Variants in DNAAF11 observed in about 807,000 individuals in gnomAD.
DNAAF11 encodes dynein axonemal assembly factor 11.
Under a neutral mutation model 60.8 loss-of-function variants are expected in DNAAF11, and 45 were observed. That is an observed-to-expected ratio of 0.74 (90% CI 0.58 to 0.95). The LOEUF is 0.95. DNAAF11 is among the 40% of genes least tolerant of loss of function. The pLI is 0.00. For synonymous variants in DNAAF11, 191 were observed against 183.5 expected (o/e 1.04, Z -0.33); for missense variants, 546 against 546.2 (o/e 1.00, Z 0.00).
At chr8:132,640,715 T>C (rs1001558535) in intron 3 of DNAAF11, among the ~76,000 whole-genome samples, 1 of 152,150 alleles carries the variant, frequency 6.6e-6, no homozygotes, top group Non-Finnish European at 1.5e-5. Context: ...CTATTATCCA[T>C]ACCCCAGGTT....
chr8:132,678,916 C>G (rs1192833956), upstream of DNAAF11, among the ~76,000 whole-genome samples: 4 of 152,138 alleles, frequency 2.6e-5, no homozygotes, highest in African/African-American at 9.6e-5. Context: ...CTGTGGGACT[C>G]AAGTATTCTG....
At chr8:132,602,088 T>C (rs1817687220) in intron 10 of DNAAF11, among the ~76,000 whole-genome samples, 2 of 152,132 alleles carry the variant, frequency 1.3e-5, no homozygotes. Flanking sequence ...CTTTCCAGTG[T>C]AGCAGTGCTC....
intron 10 of DNAAF11, among the ~76,000 whole-genome samples, chr8:132,595,314 T>C (rs2738437): frequency 1 from 117,171 of 117,172 alleles, 58,585 homozygotes; most frequent in Middle Eastern, 1. Flanking sequence ...TTTTTGGAAT[T>C]TTTTGTGTTC....
At position 132,664,618 on chromosome 8, in the gene DNAAF11, C is replaced by T. The variant is rs555395355; in HGVS notation, c.11-2991G>A. On this transcript the variant is annotated intron_variant, in intron 1 of 11. Coordinates refer to ENST00000620350, the MANE Select transcript of DNAAF11 (RefSeq NM_012472.6). ...CTGGAACTACAGGCATGCGCCACCACACCCAGCTAATTTTTTTTTTTTTTT... is the reference window on the plus strand; with the variant it reads ...CTGGAACTACAGGCATGCGCCACCATACCCAGCTAATTTTTTTTTTTTTTT... Among the ~76,000 whole-genome samples the T allele has an allele frequency of 2.6e-5, 4 of 151,736 alleles. No homozygotes were observed. The South Asian group carries it at 8.3e-4, about 32-fold the overall frequency.
chr8:132,610,875 G>A (rs1045518526), intron 9 of DNAAF11, among the ~76,000 whole-genome samples: 4 of 150,514 alleles, frequency 2.7e-5, no homozygotes, highest in African/African-American at 1.0e-4. Context: ...TCTATGTTTT[G>A]TTTTATTTTT....
chr8:132,688,880 T>G, the DNAAF11 span, among the ~76,000 whole-genome samples: 1 of 152,206 alleles, frequency 6.6e-6, no homozygotes, highest in Non-Finnish European at 1.5e-5. Flanking sequence ...TCAGAATCAC[T>G]TACGTTAAAA....
the DNAAF11 span, among the ~76,000 whole-genome samples, chr8:132,690,050 G>T: frequency 6.6e-6 from 1 of 152,078 alleles, no homozygotes; most frequent in Non-Finnish European, 1.5e-5. Context: ...GCATTAGTTT[G>T]AGTTATGTTA....
At chr8:132,696,663 G>A in the DNAAF11 span, among the ~76,000 whole-genome samples, 1 of 152,102 alleles carries the variant, frequency 6.6e-6, no homozygotes, top group South Asian at 2.1e-4. Context: ...GACAAGATTG[G>A]GTAAAGAAAA....
chr8:132,643,193 AC>A (rs1323525396), intron 3 of DNAAF11, among the ~76,000 whole-genome samples: 3 of 152,158 alleles, frequency 2.0e-5, no homozygotes, highest in Non-Finnish European at 2.9e-5. Flanking sequence ...TCGGTTCTCT[AC>A]CCAGGGTTTG....
At chr8:132,675,595 G>A, upstream of DNAAF11, 1 of 1,281,058 alleles carries the variant, frequency 7.8e-7, no homozygotes, top group Non-Finnish European at 1.1e-6. Flanking sequence ...TCGGAATTCA[G>A]GAGCCATGGC....
At chr8:132,647,936 AG>A (rs1474908931) in intron 3 of DNAAF11, among the ~76,000 whole-genome samples, 2 of 152,216 alleles carry the variant, frequency 1.3e-5, no homozygotes, top group African/African-American at 4.8e-5. Flanking sequence ...AGGTACAAAG[AG>A]GAGCTGGTAC....
At chr8:132,665,636 T>C (rs1171627463) in intron 1 of DNAAF11, among the ~76,000 whole-genome samples, 6 of 152,340 alleles carry the variant, frequency 3.9e-5, no homozygotes, top group Admixed American at 6.5e-5. Context: ...GGAACACTTA[T>C]ACTCTGTTGG....
Position 132,572,249 on chromosome 8 carries a change from A to G in DNAAF11, c.*57T>C, listed in dbSNP as rs1390958381. 3 of 1,519,466 alleles carry G rather than the reference A, an allele frequency of 2.0e-6. No individual in the cohort carries two copies. The highest frequency in any genetic ancestry group is 2.7e-6 in the Non-Finnish European group (3 of 1,113,388). The allele number at this position is 1,519,466 out of a possible 1,614,324, so 94.1% of individuals were successfully genotyped here. ...CAGGAATAATATGCATATGGTCTCT[A>G]CACCAACCAAAACTGGACCTGGTGG... On this transcript the variant is annotated 3_prime_UTR_variant, in exon 12 of 12. Transcript: ENST00000620350.
At position 132,638,127 on chromosome 8, in the gene DNAAF11, G is replaced by A. The variant is rs1821489593; in HGVS notation, c.257-20C>T. On this transcript the variant is annotated intron_variant, in intron 3 of 11. Coordinates refer to ENST00000620350, the MANE Select transcript of DNAAF11 (RefSeq NM_012472.6). ...CACATCCTGTTGAGAAAAATAAAGTGAAAACAAAGCAAACAAAGAAAAATC... is the reference window on the plus strand; with the variant it reads ...CACATCCTGTTGAGAAAAATAAAGTAAAAACAAAGCAAACAAAGAAAAATC... The A allele has an allele frequency of 6.2e-7, 1 of 1,603,926 alleles. No homozygotes were observed.
the DNAAF11 span, among the ~76,000 whole-genome samples, chr8:132,688,517 G>T: frequency 6.6e-6 from 1 of 152,086 alleles, no homozygotes; most frequent in Admixed American, 6.6e-5. Flanking sequence ...TTGGTTCACG[G>T]GTGAACACAT....
chr8:132,585,365 C>G (rs2131027785), intron 10 of DNAAF11, among the ~76,000 whole-genome samples: 1 of 152,256 alleles, frequency 6.6e-6, no homozygotes, highest in African/African-American at 2.4e-5. Flanking sequence ...CACTGGAGAC[C>G]ATGAACATAA....
At chr8:132,686,680 G>A in the DNAAF11 span, among the ~76,000 whole-genome samples, 1 of 152,138 alleles carries the variant, frequency 6.6e-6, no homozygotes, top group African/African-American at 2.4e-5. Context: ...AGGGAAGTGG[G>A]GATGTTTAGG....
rs573070622 is a variant in DNAAF11 at position 132,661,471 on chromosome 8, A to G, written c.167T>C (p.Ile56Thr). The G allele has an allele frequency of 3.1e-6, 5 of 1,611,990 alleles. No individual in the cohort carries two copies. The highest frequency in any genetic ancestry group is 2.2e-5 in the East Asian group (1 of 44,850). Residue 56 changes from isoleucine (I) to threonine (T), a missense_variant, in exon 2 of 12, where the codon ATT (isoleucine) becomes ACT (threonine). Ile to Thr is a moderately conservative substitution (Grantham distance 89, BLOSUM62 -1). Coordinates refer to ENST00000620350, the MANE Select transcript of DNAAF11 (RefSeq NM_012472.6). ...GTACTGAAACTTACCAATTTTCCCA[A>G]TAAGATTATTTTGAAGATAGAGAAT... ...LKILYLQNNL[I>T]GKIENVSKLK...
rs906464626 is a variant in DNAAF11 at position 132,653,524 on chromosome 8, C to G, written c.256+3306G>C. On this transcript the variant is annotated intron_variant, in intron 3 of 11. Transcript: ENST00000620350. ...ATAAATTTATTTTTGTACCTATTTT[C>G]TTCTCCTAAATTATTTAAAAGATGG... is the stretch of plus-strand genomic sequence containing the variant. Among the ~76,000 whole-genome samples, 30 of 151,986 alleles carry G rather than the reference C, an allele frequency of 2.0e-4. 1 individual carries two copies. Among genetic ancestry groups the G allele is most frequent in the African/African-American group, 4.6e-4 (19 of 41,412 alleles).
Sources: gnomAD v4.1 joint callset for allele counts (sites outside exome capture counted in the v4.1 genomes callset) on GRCh38, gnomAD v4.1.1 for gene constraint, MANE v1.5 for transcripts, NCBI Gene and HGNC (gene_info 2026-07-23, HGNC 2026-07-21) for gene names.